The following CSNK1G1 variants were observed in gnomAD, a reference collection of about 807,000 sequenced individuals.
CSNK1G1 encodes the protein casein kinase I isoform gamma-1.
Under a neutral mutation model 59.6 loss-of-function variants are expected in CSNK1G1, and 22 were observed. That is an observed-to-expected ratio of 0.37 (90% CI 0.26 to 0.53). The LOEUF (loss-of-function observed/expected upper bound fraction) is 0.53. CSNK1G1 is among the 20% of genes least tolerant of loss of function. The probability of loss-of-function intolerance (pLI) is 0.89; values close to 1 mark genes in which losing one functional copy is unlikely to be tolerated. For synonymous variants in CSNK1G1, 179 were observed against 177.1 expected (o/e 1.01, Z -0.08); for missense variants, 384 against 519.5 (o/e 0.74, Z 2.54).
chr15:64,172,062 T>C, intron 11 of CSNK1G1, 77 bp from the exon 12 acceptor site: 1 of 1,373,572 alleles, frequency 7.3e-7, no homozygotes, highest in East Asian at 2.3e-5. Flanking sequence ...TTCTGCTTAC[T>C]GCAGGGGTGG....
chr15:64,351,432 C>T (rs894892927), intron 1 of CSNK1G1, among the ~76,000 whole-genome samples: 19 of 152,266 alleles, frequency 1.2e-4, no homozygotes, highest in African/African-American at 4.1e-4. Context: ...CAAGCAAATT[C>T]CATAACTGAC....
chr15:64,260,259 A>G (rs959148934), intron 2 of CSNK1G1, among the ~76,000 whole-genome samples: 2 of 152,200 alleles, frequency 1.3e-5, no homozygotes, highest in African/African-American at 4.8e-5. Context: ...CACATATAAA[A>G]CACTCAAAAT....
At chr15:64,239,237 A>T (rs1484838492) in intron 4 of CSNK1G1, among the ~76,000 whole-genome samples, 1 of 152,238 alleles carries the variant, frequency 6.6e-6, no homozygotes, top group Non-Finnish European at 1.5e-5. Context: ...CAGAAACATG[A>T]AAAAGCAAGA....
chr15:64,265,936 T>C (rs990170101), intron 2 of CSNK1G1: 20 of 420,630 alleles, frequency 4.8e-5, no homozygotes, highest in Non-Finnish European at 7.6e-5. Flanking sequence ...AATTTTTAAT[T>C]AGCCAGGTGT....
intron 2 of CSNK1G1, chr15:64,265,939 C>T (rs746593293): frequency 1.4e-5 from 6 of 421,414 alleles, no homozygotes; most frequent in Admixed American, 2.7e-5. Context: ...TTTTAATTAG[C>T]CAGGTGTAGG....
chr15:64,253,996 C>T (rs1892231282), intron 3 of CSNK1G1, among the ~76,000 whole-genome samples: 1 of 152,044 alleles, frequency 6.6e-6, no homozygotes, highest in Admixed American at 6.5e-5. Flanking sequence ...AAAAATGAGC[C>T]AGGAGTGTCA....
At chr15:64,307,959 T>C (rs1895774518) in intron 1 of CSNK1G1, among the ~76,000 whole-genome samples, 1 of 152,154 alleles carries the variant, frequency 6.6e-6, no homozygotes, top group African/African-American at 2.4e-5. Context: ...GTGCTGGGAT[T>C]ACAGGCGTGA....
chr15:64,174,922 A>G (rs2081723746), intron 11 of CSNK1G1, among the ~76,000 whole-genome samples: 1 of 152,122 alleles, frequency 6.6e-6, no homozygotes, highest in Non-Finnish European at 1.5e-5. Flanking sequence ...AATGTCCTGC[A>G]GAACTCCTTA....
intron 4 of CSNK1G1, among the ~76,000 whole-genome samples, chr15:64,218,465 C>G (rs1384957378): frequency 1.3e-5 from 2 of 151,658 alleles, no homozygotes; most frequent in Non-Finnish European, 1.5e-5. Flanking sequence ...CAATCTTGGC[C>G]CACTGTAACC....
chr15:64,221,642 C>T (rs537809082), intron 4 of CSNK1G1, among the ~76,000 whole-genome samples: 31 of 151,480 alleles, frequency 2.0e-4, no homozygotes, highest in Non-Finnish European at 4.3e-4. Context: ...CTAGTATTTG[C>T]TTCTGCTTTC....
At chr15:64,215,904 T>C (rs922774603) in intron 5 of CSNK1G1, among the ~76,000 whole-genome samples, 7 of 152,266 alleles carry the variant, frequency 4.6e-5, no homozygotes, top group Admixed American at 2.6e-4. Context: ...AAGGGAGAGA[T>C]AGGACATGAC....
chr15:64,224,077 T>A (rs921636846), intron 4 of CSNK1G1, among the ~76,000 whole-genome samples: 2 of 152,244 alleles, frequency 1.3e-5, no homozygotes, highest in Non-Finnish European at 2.9e-5. Flanking sequence ...TATTGCCTAA[T>A]AATTAGTCTT....
chr15:64,259,044 G>A, intron 3 of CSNK1G1, 157 bp downstream of exon 3: 3 of 601,836 alleles, frequency 5.0e-6, no homozygotes, highest in Non-Finnish European at 8.7e-6. Flanking sequence ...ATTCATCACT[G>A]TTAACACTAT....
intron 10 of CSNK1G1, among the ~76,000 whole-genome samples, chr15:64,193,491 C>CAAAAAAAA (rs10631811): frequency 0.053 from 6,935 of 131,734 alleles, 724 homozygotes; most frequent in African/African-American, 0.19. Flanking sequence ...GACTCTGTCT[C>CAAAAAAAA]AAAAAAAAAA....
At chr15:64,206,471 G>A (rs1221423051) in intron 7 of CSNK1G1, among the ~76,000 whole-genome samples, 3 of 151,700 alleles carry the variant, frequency 2.0e-5, no homozygotes, top group Non-Finnish European at 4.4e-5. Flanking sequence ...GCTGGGCGTG[G>A]TGGCATGCAC....
Position 64,290,510 on chromosome 15 carries a change from A to G in CSNK1G1, c.181+9809T>C, listed in dbSNP as rs79228071. Among the ~76,000 whole-genome samples, 3 of 152,176 alleles carry G rather than the reference A, an allele frequency of 2.0e-5. No homozygotes were observed. In the South Asian group the frequency reaches 6.2e-4, roughly 31 times the overall value. ...AATCAAAAAATGCATGCTTTCACTT[A>G]TAAGTGGGAGCTAAATAATGTGTAC... is the stretch of plus-strand genomic sequence containing the variant. On this transcript the variant is annotated intron_variant, in intron 2 of 11. Coordinates refer to ENST00000303052, the MANE Select transcript of CSNK1G1 (RefSeq NM_022048.5).
At chr15:64,230,402 A>G (rs1194289035) in intron 4 of CSNK1G1, among the ~76,000 whole-genome samples, 1 of 151,966 alleles carries the variant, frequency 6.6e-6, no homozygotes, top group African/African-American at 2.4e-5. Flanking sequence ...GGCTCAAGCA[A>G]TATTCCCACC....
chr15:64,285,579 T>C (rs1177873910), intron 2 of CSNK1G1, among the ~76,000 whole-genome samples: 1 of 152,164 alleles, frequency 6.6e-6, no homozygotes, highest in East Asian at 1.9e-4. Flanking sequence ...TGAGATACTG[T>C]TAACATGTTA....
intron 1 of CSNK1G1, among the ~76,000 whole-genome samples, chr15:64,349,466 T>G (rs1898163529): frequency 6.6e-6 from 1 of 152,070 alleles, no homozygotes; most frequent in South Asian, 2.1e-4. Context: ...TAAAGAATAA[T>G]TCCCATCCCT....
Sources: allele counts gnomAD v4.1 joint callset (sites outside exome capture counted in the v4.1 genomes callset), GRCh38; gene constraint gnomAD v4.1.1; transcripts MANE v1.5; gene names NCBI Gene and HGNC (gene_info 2026-07-23, HGNC 2026-07-21).